SESN3: variants seen among roughly 807,000 people sequenced by gnomAD.
The protein encoded by SESN3 is sestrin-3.
A neutral mutation model predicts 55.3 loss-of-function variants in SESN3; 21 were observed. The observed-to-expected ratio is 0.38, with a 90% CI of 0.27 to 0.55. The LOEUF is 0.55. Among genes scored for constraint, SESN3 ranks in the 20% least tolerant of loss-of-function variants. The pLI is 0.76. For missense variants in SESN3, 408 were observed against 604.3 expected, an observed-to-expected ratio of 0.68 and a Z score of 3.41; for synonymous variants, 181 against 203.1, an observed-to-expected ratio of 0.89 and a Z score of 0.93.
At chr11:95,186,331 A>AAAAC (rs1227389212) in intron 4 of SESN3, among the ~76,000 whole-genome samples, 146 of 151,926 alleles carry the variant, frequency 9.6e-4, no homozygotes, top group African/African-American at 3.4e-3. Context: ...AAAACAAAAC[A>AAAAC]AAACAAAACA....
intron 1 of SESN3, among the ~76,000 whole-genome samples, chr11:95,218,498 C>A (rs1860800735): frequency 6.6e-6 from 1 of 152,160 alleles, no homozygotes; most frequent in Non-Finnish European, 1.5e-5. Flanking sequence ...ATGTTTATAG[C>A]CTTAACATTT....
rs535704311 is a variant in SESN3 at position 95,190,861 on chromosome 11, A to T, written c.342+543T>A. ...TCCATTAAAGTCCGACACACACAAA[A>T]CTTTATAATTCTCCTCTCTGACCTC... On this transcript the variant is annotated intron_variant, in intron 3 of 9. Transcript: ENST00000536441. 2.0e-5 allele frequency among the ~76,000 whole-genome samples: 3 copies of T among 152,092 alleles called. No individual in the cohort carries two copies. In the East Asian group the frequency reaches 5.8e-4, roughly 29 times the overall value.
Position 95,184,271 on chromosome 11 carries a change from G to A in SESN3, c.937+149C>T, listed in dbSNP as rs889570608. 4 of 661,372 alleles carry A rather than the reference G, an allele frequency of 6.0e-6. No homozygotes were observed. In the African/African-American group the frequency reaches 7.3e-5, roughly 12 times the overall value. 41.0% of individuals were successfully genotyped at this position (661,372 alleles called of 1,614,324 possible). ...CAAGGATGAACCAGCCTGAGGGAAAGCAATAGCATGAGGGTAAGATAGAAG... is the reference window on the plus strand; with the variant it reads ...CAAGGATGAACCAGCCTGAGGGAAAACAATAGCATGAGGGTAAGATAGAAG... On this transcript the variant is annotated intron_variant, in intron 6 of 9. Transcript: ENST00000536441.
rs922112141 is a variant in SESN3 at position 95,168,749 on chromosome 11, G to A, written c.*4506C>T. 1.3e-5 allele frequency: 2 copies of A among 152,430 alleles called. No individual in the cohort carries two copies. Among genetic ancestry groups the A allele is most frequent in the African/African-American group, 4.8e-5 (2 of 41,478 alleles). 9.4% of individuals were successfully genotyped at this position (152,430 alleles called of 1,614,324 possible). ...CATAGTCTCAATGAATGGAGAAAAA[G>A]TAACTCAGGAAAGTAAATGCTGGTG... On this transcript the variant is annotated 3_prime_UTR_variant, in exon 10 of 10. Transcript: ENST00000536441.
At chr11:95,185,640 T>C (rs1247928650) in intron 4 of SESN3, 148 bp from the exon 5 acceptor site, 66 of 622,304 alleles carry the variant, frequency 1.1e-4, no homozygotes, top group South Asian at 4.0e-4. Flanking sequence ...GTTAAAGATA[T>C]GATTTTGGCC....
In SESN3 at chr11:95,173,114, A is replaced by AAAAC. The variant is rs1334630801; in HGVS notation, c.*137_*140dup. 6.1e-4 allele frequency: 310 copies of AAAAC among 507,544 alleles called. No homozygotes were observed. Among genetic ancestry groups the AAAAC allele is most frequent in the South Asian group, 1.2e-3 (32 of 26,346 alleles). 31.4% of individuals were successfully genotyped at this position (507,544 alleles called of 1,614,324 possible). A position where few individuals can be genotyped will look rare whatever the true frequency, so the allele number is the denominator to read the frequency against. On this transcript the variant is annotated 3_prime_UTR_variant, in exon 10 of 10. Transcript: ENST00000536441. ...ACATCATTGCACATTACAGCCGCAAAAAACAAAAAAAAAAAAACAAACGGC... is the reference window on the plus strand; with the variant it reads ...ACATCATTGCACATTACAGCCGCAAAAAACAAACAAAAAAAAAAAAACAAACGGC...
chr11:95,179,133 A>T (rs1860013795), intron 6 of SESN3, among the ~76,000 whole-genome samples: 1 of 152,060 alleles, frequency 6.6e-6, no homozygotes, highest in Non-Finnish European at 1.5e-5. Flanking sequence ...AAGATAGCAT[A>T]GGCCTATAAG....
chr11:95,211,009 C>T (rs1860644739), intron 1 of SESN3, among the ~76,000 whole-genome samples: 1 of 152,100 alleles, frequency 6.6e-6, no homozygotes, highest in African/African-American at 2.4e-5. Context: ...AAAAGATACC[C>T]AGTTTTATCA....
At chr11:95,209,103 C>T (rs1480042464) in intron 1 of SESN3, among the ~76,000 whole-genome samples, 1 of 151,358 alleles carries the variant, frequency 6.6e-6, no homozygotes, top group Non-Finnish European at 1.5e-5. Flanking sequence ...TTCTGCACAG[C>T]AAAAGAAACT....
In SESN3 at chr11:95,231,158, G is replaced by A. The variant is rs1052155762; in HGVS notation, c.-298C>T. 1.1e-5 allele frequency: 3 copies of A among 270,266 alleles called. No homozygotes were observed. The highest frequency in any genetic ancestry group is 1.4e-4 in the Admixed American group (2 of 13,930). 16.7% of individuals were successfully genotyped at this position (270,266 alleles called of 1,614,324 possible). On this transcript the variant is annotated 5_prime_UTR_variant, in exon 1 of 10. Transcript: ENST00000536441. ...CCCCGCCAGGCTAGGACGAGCAGCC[G>A]CCACCGCTGCCACCGCCACCACCGC...
intron 1 of SESN3, among the ~76,000 whole-genome samples, chr11:95,198,660 G>A (rs1012781261): frequency 2.9e-4 from 44 of 152,188 alleles, no homozygotes; most frequent in African/African-American, 9.9e-4. Context: ...GCTGTCACTA[G>A]CCACATGTGC....
At chr11:95,206,444 A>G (rs1860548853) in intron 1 of SESN3, among the ~76,000 whole-genome samples, 1 of 151,742 alleles carries the variant, frequency 6.6e-6, no homozygotes, top group South Asian at 2.1e-4. Flanking sequence ...TAACATCCAA[A>G]GTTTCTCAAT....
At chr11:95,193,951 T>C (rs564954) in intron 1 of SESN3, among the ~76,000 whole-genome samples, 7,677 of 152,144 alleles carry the variant, frequency 0.05, 455 homozygotes, top group East Asian at 0.3. Context: ...CTGCTTTTTT[T>C]CCCCTAAAAT....
In SESN3 at chr11:95,230,733, G is replaced by T; in HGVS notation, c.78+50C>A. On this transcript the variant is annotated intron_variant, in intron 1 of 9. Transcript: ENST00000536441. The surrounding 1 kb of genome is among the most constrained non-coding windows in gnomAD (Gnocchi z 4.6). ...CCCGGGGACGAGCCGCCCGAGCCCC[G>T]GCCGGCAGGAAGCGACCCTCGCCGG... 1 of 1,457,518 alleles carries T rather than the reference G, an allele frequency of 6.9e-7. No individual in the cohort carries two copies. The highest frequency in any genetic ancestry group is 9.5e-7 in the Non-Finnish European group (1 of 1,052,390). 90.3% of individuals were successfully genotyped at this position (1,457,518 alleles called of 1,614,324 possible).
chr11:95,224,742 G>A (rs1156896852), intron 1 of SESN3, among the ~76,000 whole-genome samples: 1 of 152,066 alleles, frequency 6.6e-6, no homozygotes, highest in Non-Finnish European at 1.5e-5. Flanking sequence ...TTTATCACTG[G>A]CAGCAAATAG....
intron 1 of SESN3, among the ~76,000 whole-genome samples, chr11:95,209,955 T>G (rs1860620930): frequency 7.4e-6 from 1 of 135,670 alleles, no homozygotes; most frequent in South Asian, 2.5e-4. Context: ...AGGCGAAGGT[T>G]GCAGTGAGCC....
intron 4 of SESN3, among the ~76,000 whole-genome samples, chr11:95,188,639 C>T (rs560249400): frequency 1.3e-5 from 2 of 151,826 alleles, no homozygotes; most frequent in Non-Finnish European, 2.9e-5. Flanking sequence ...ATGCCCTGCT[C>T]TACTTGAAAA....
intron 1 of SESN3, among the ~76,000 whole-genome samples, chr11:95,223,363 G>A (rs986732618): frequency 1.3e-5 from 2 of 152,058 alleles, no homozygotes; most frequent in African/African-American, 4.8e-5. Flanking sequence ...GACTAACCTT[G>A]CTACTCAGGG....
rs546211388 is a variant in SESN3, at chr11:95,175,762, TCAA to T, written c.1248-123_1248-121del. 9 of 804,780 alleles carry T rather than the reference TCAA, an allele frequency of 1.1e-5. No individual in the cohort carries two copies. In the Admixed American group the frequency reaches 2.4e-4, roughly 21 times the overall value. 49.9% of individuals were successfully genotyped at this position (804,780 alleles called of 1,614,324 possible). ...ACTAAAAGCTCGTTAATTAATTGAATCAACAAATGTTTACTGAGTACCCATTAT... is the reference window on the plus strand; with the variant it reads ...ACTAAAAGCTCGTTAATTAATTGAATCAAATGTTTACTGAGTACCCATTAT... On this transcript the variant is annotated intron_variant, in intron 8 of 9. Coordinates refer to ENST00000536441, the MANE Select transcript of SESN3 (RefSeq NM_144665.4).
Sources: gnomAD v4.1 joint callset for allele counts (sites outside exome capture counted in the v4.1 genomes callset) on GRCh38, gnomAD v4.1.1 for gene constraint, Gnocchi (gnomAD v3.1) non-coding constraint, MANE v1.5 for transcripts, NCBI Gene and HGNC (gene_info 2026-07-23, HGNC 2026-07-21) for gene names.